MAP3K15: variants seen among roughly 807,000 people sequenced by gnomAD.
The protein encoded by MAP3K15 is MAPK/ERK kinase kinase 15.
In MAP3K15, 124 loss-of-function variants were observed where a neutral mutation model predicts 99.5. The observed-to-expected ratio is 1.25, with a 90% CI of 1.08 to 1.45. MAP3K15 has a LOEUF of 1.45. MAP3K15 is among the 40% of genes most tolerant of loss of function. The pLI, the probability that MAP3K15 is intolerant of heterozygous loss-of-function variation, is 0.00. For missense variants in MAP3K15, 1,242 were observed against 1,079.7 expected (o/e 1.15, Z -2.11); for synonymous variants, 494 against 439.6 (o/e 1.12, Z -1.55).
At position 19,486,462 on chromosome X, in the gene MAP3K15, C is replaced by T; in HGVS notation, c.525+20G>A. Reference sequence around the variant, plus strand: ...TACATTTAATTTCAGAATTAAAATTCTGAAAATGTTAATACTTACTGTGTT... The same window carrying T: ...TACATTTAATTTCAGAATTAAAATTTTGAAAATGTTAATACTTACTGTGTT... On this transcript the variant is annotated intron_variant, in intron 3 of 28. Coordinates refer to ENST00000338883, the MANE Select transcript of MAP3K15 (RefSeq NM_001001671.4). 1 of 761,436 alleles carries T rather than the reference C, an allele frequency of 1.3e-6. No individual in the cohort carries two copies. Among genetic ancestry groups the T allele is most frequent in the Non-Finnish European group, 1.8e-6 (1 of 552,588 alleles). The allele number at this position is 761,436 out of a possible 1,213,427, so 62.8% of individuals were successfully genotyped here.
At chrX:19,413,772 G>C (rs889799102) in intron 10 of MAP3K15, among the ~76,000 whole-genome samples, 3 of 105,374 alleles carry the variant, frequency 2.8e-5, no homozygotes, top group Non-Finnish European at 3.9e-5. Context: ...GGGGAGGGGA[G>C]AGAGGGAGAA....
chrX:19,480,818 A>C (rs2147389741), intron 3 of MAP3K15, among the ~76,000 whole-genome samples: 1 of 93,115 alleles, frequency 1.1e-5, no homozygotes, highest in African/African-American at 4.3e-5. Context: ...ACTCTGTCTC[A>C]AAAAAAAAAA....
At chrX:19,440,481 C>T (rs997571474) in intron 6 of MAP3K15, among the ~76,000 whole-genome samples, 35 of 111,927 alleles carry the variant, frequency 3.1e-4, no homozygotes, top group African/African-American at 1.1e-3. Flanking sequence ...ACGTACAGAT[C>T]CGAATAGTTG....
chrX:19,482,962 T>C (rs1290682934), intron 3 of MAP3K15, among the ~76,000 whole-genome samples: 4 of 110,362 alleles, frequency 3.6e-5, no homozygotes, highest in Non-Finnish European at 7.6e-5. Flanking sequence ...CTCCTAGAAA[T>C]GGAGACAAAT....
Position 19,374,676 on chromosome X carries a change from A to G in MAP3K15, c.2590-16T>C. 2 of 1,199,444 alleles carry G rather than the reference A, an allele frequency of 1.7e-6. No homozygotes were observed. The highest frequency in any genetic ancestry group is 2.3e-6 in the Non-Finnish European group (2 of 887,077). On this transcript the variant is annotated splice_polypyrimidine_tract_variant and intron_variant, in intron 19 of 28. Transcript: ENST00000338883. ...ACATGCCCACCTGCATTTAAGGGAG[A>G]GGTAACCGATGTGTCAGTGAGGCCT...
At chrX:19,379,293 T>C (rs896930717) in intron 19 of MAP3K15, among the ~76,000 whole-genome samples, 2 of 108,496 alleles carry the variant, frequency 1.8e-5, no homozygotes, top group East Asian at 5.7e-4. Context: ...GTTTCCTTTT[T>C]CTTTTTTTTT....
In MAP3K15 at chrX:19,415,186, G is replaced by A. The variant is rs1426550260; in HGVS notation, c.1511C>T (p.Pro504Leu). The A allele has an allele frequency of 8.5e-7, 1 of 1,179,068 alleles. No homozygotes were observed. Among genetic ancestry groups the A allele is most frequent in the Non-Finnish European group, 1.1e-6 (1 of 883,921 alleles). ...CCAGAAGTTCAGCCGCTCTTGCCTG[G>A]GCGAGTGTTCAATAATGGTTTTCTT... ...RFKKTIIEHSPRQERLNFWLD... is the reference protein window; with the variant it reads ...RFKKTIIEHSLRQERLNFWLD... Residue 504 changes from proline to leucine, a missense_variant, in exon 10 of 29, where the codon CCC becomes CTC. Transcript: ENST00000338883.
At chrX:19,439,861 T>C (rs1469918327) in intron 6 of MAP3K15, among the ~76,000 whole-genome samples, 1 of 112,111 alleles carries the variant, frequency 8.9e-6, no homozygotes, top group African/African-American at 3.2e-5. Context: ...GGGCAATCAC[T>C]GGGGTCTGCC....
intron 25 of MAP3K15, among the ~76,000 whole-genome samples, chrX:19,368,802 G>T: frequency 9.1e-6 from 1 of 109,311 alleles, no homozygotes; most frequent in Non-Finnish European, 1.9e-5. Flanking sequence ...TTTCTGTGTG[G>T]TCTGGGGCAA....
chrX:19,466,164 T>C (rs1403807625), intron 3 of MAP3K15, among the ~76,000 whole-genome samples: 4 of 111,108 alleles, frequency 3.6e-5, no homozygotes, highest in African/African-American at 1.3e-4. Context: ...CATTCAGCAT[T>C]AAGGTTTTGG....
intron 1 of MAP3K15, among the ~76,000 whole-genome samples, chrX:19,495,820 C>A (rs2064397322): frequency 9.0e-6 from 1 of 111,339 alleles, no homozygotes; most frequent in African/African-American, 3.3e-5. Flanking sequence ...CTGCATTCAT[C>A]ACTTTAAATG....
chrX:19,455,482 G>C (rs2064085834), intron 6 of MAP3K15, among the ~76,000 whole-genome samples: 1 of 100,360 alleles, frequency 1.0e-5, no homozygotes, highest in African/African-American at 3.7e-5. Context: ...GTAGCTGAGA[G>C]ACTACAAGCA....
chrX:19,480,687 G>A (rs1292605876), intron 3 of MAP3K15, among the ~76,000 whole-genome samples: 2 of 104,177 alleles, frequency 1.9e-5, no homozygotes, highest in African/African-American at 3.5e-5. Context: ...TTAGCCGTGC[G>A]TGGTAGCGGG....
chrX:19,464,139 T>C (rs1442947492), intron 4 of MAP3K15, 74 bp downstream of exon 4: 2 of 901,851 alleles, frequency 2.2e-6, no homozygotes, highest in African/African-American at 4.0e-5. Flanking sequence ...CATTTGAAGG[T>C]GTACCGCTTC....
At chrX:19,375,830 C>T (rs936790988) in intron 19 of MAP3K15, among the ~76,000 whole-genome samples, 4 of 112,386 alleles carry the variant, frequency 3.6e-5, no homozygotes, top group Admixed American at 9.4e-5. Flanking sequence ...TCCAACACAG[C>T]GCTCCTCCTG....
intron 10 of MAP3K15, chrX:19,414,359 T>C: frequency 4.5e-6 from 1 of 222,796 alleles, no homozygotes; most frequent in Non-Finnish European, 6.5e-6. Context: ...AAATGTATTA[T>C]TAACCGGCAA....
At chrX:19,489,586 C>A (rs2064353219) in intron 1 of MAP3K15, among the ~76,000 whole-genome samples, 1 of 111,062 alleles carries the variant, frequency 9.0e-6, no homozygotes, top group African/African-American at 3.3e-5. Context: ...TGGATTAGTG[C>A]ACTTATAAAA....
Position 19,374,568 on chromosome X carries a change from G to C in MAP3K15, c.2682C>G (p.His894Gln). 8.3e-7 allele frequency: 1 copy of C among 1,211,572 alleles called. No homozygotes were observed. The highest frequency in any genetic ancestry group is 1.8e-5 in the South Asian group (1 of 56,988). ...FILSCFEPDP[H>Q]KRATTAELLR... The stretch of plus-strand genomic sequence containing the variant: ...GTAGCTCAGCAGTGGTGGCACGTTT[G>C]TGGGGGTCAGGCTCGAAACAGGATA... Residue 894 changes from histidine (H) to glutamine (Q), a missense_variant, in exon 20 of 29, where the codon CAC (histidine) becomes CAG (glutamine). Transcript: ENST00000338883.
rs1287716491 is a variant in MAP3K15 at position 19,371,904 on chromosome X, A to G, written c.3109-374T>C. On this transcript the variant is annotated intron_variant, in intron 22 of 28. Transcript: ENST00000338883. ...TCCCAGCACTTTGGGAAGCCTAGGC[A>G]GGCAGATCACCTGAGGTCAGGAGTT... Among the ~76,000 whole-genome samples the G allele has an allele frequency of 3.6e-5, 4 of 111,322 alleles. No homozygotes were observed. In the Admixed American group the frequency reaches 3.8e-4, roughly 11 times the overall value.
Sources: gnomAD v4.1 joint callset for allele counts (sites outside exome capture counted in the v4.1 genomes callset) on GRCh38, gnomAD v4.1.1 for gene constraint, MANE v1.5 for transcripts, NCBI Gene and HGNC (gene_info 2026-07-23, HGNC 2026-07-21) for gene names.